The following LARP1B variants were observed in gnomAD, a reference collection of about 807,000 sequenced individuals.
LARP1B encodes La ribonucleoprotein 1B.
In LARP1B, 76 loss-of-function variants were observed where a neutral mutation model predicts 114.2. The observed-to-expected ratio is 0.67, with a 90% CI of 0.55 to 0.81. The LOEUF (loss-of-function observed/expected upper bound fraction) is 0.81, where lower values mean the gene tolerates loss of function less well. LARP1B is among the 30% of genes least tolerant of loss of function. The pLI is 0.00. For missense variants in LARP1B, 1,014 were observed against 1,075.8 expected, an observed-to-expected ratio of 0.94 and a Z score of 0.80; for synonymous variants, 345 against 348.0, an observed-to-expected ratio of 0.99 and a Z score of 0.10.
At chr4:128,073,572 G>GGTTTT (rs1766384506) in intron 1 of LARP1B, among the ~76,000 whole-genome samples, 1 of 39,996 alleles carries the variant, frequency 2.5e-5, no homozygotes, top group Non-Finnish European at 5.0e-5. Context: ...TATTGTTGTC[G>GGTTTT]TTTTTTTTTT....
intron 15 of LARP1B, among the ~76,000 whole-genome samples, chr4:128,186,505 T>C (rs891752609): frequency 3.3e-5 from 5 of 152,228 alleles, no homozygotes; most frequent in Non-Finnish European, 7.3e-5. Context: ...GATTTTGTAT[T>C]GTGCAACTTT....
intron 11 of LARP1B, chr4:128,155,892 C>A (rs111814220): frequency 1.3e-6 from 2 of 1,547,798 alleles, no homozygotes; most frequent in Non-Finnish European, 1.8e-6. Flanking sequence ...TGGAAGCCCA[C>A]TGACCCATCT....
At chr4:128,109,414 T>A (rs76176088) in intron 9 of LARP1B, among the ~76,000 whole-genome samples, 2,725 of 152,270 alleles carry the variant, frequency 0.018, 65 homozygotes, top group East Asian at 0.1. Context: ...TCAAAGAGAT[T>A]AAAATTTCTA....
chr4:128,171,295 A>AT, intron 12 of LARP1B, among the ~76,000 whole-genome samples: 1 of 151,954 alleles, frequency 6.6e-6, no homozygotes, highest in South Asian at 2.1e-4. Context: ...AGCCCAACTA[A>AT]TTTTTTTATT....
chr4:128,130,835 T>A (rs1181737750), intron 11 of LARP1B, among the ~76,000 whole-genome samples: 1 of 152,212 alleles, frequency 6.6e-6, no homozygotes, highest in Non-Finnish European at 1.5e-5. Context: ...ACAATGGACT[T>A]ACTCAGAGCT....
intron 10 of LARP1B, among the ~76,000 whole-genome samples, chr4:128,119,568 G>A (rs1438435272): frequency 6.6e-6 from 1 of 152,194 alleles, no homozygotes; most frequent in African/African-American, 2.4e-5. Flanking sequence ...GTGTTCTATA[G>A]TTGGTTTTCC....
intron 12 of LARP1B, among the ~76,000 whole-genome samples, chr4:128,166,048 T>C (rs1399397283): frequency 1.3e-5 from 2 of 152,010 alleles, no homozygotes; most frequent in Non-Finnish European, 2.9e-5. Flanking sequence ...CATCCTGTAT[T>C]TCAGACAAAT....
rs1478362207 is a variant in LARP1B at position 128,206,556 on chromosome 4, A to C, written c.2419+19A>C. 1 of 1,589,754 alleles carries C rather than the reference A, an allele frequency of 6.3e-7. No homozygotes were observed. Among genetic ancestry groups the C allele is most frequent in the Non-Finnish European group, 8.6e-7 (1 of 1,166,634 alleles). On this transcript the variant is annotated intron_variant, in intron 18 of 19. Coordinates refer to ENST00000326639, the MANE Select transcript of LARP1B (RefSeq NM_018078.4). ...GAATCTGGTAACAATAACATCAGAAAACTTGTACTCTAATTGGAAATTGTA... is the reference window on the plus strand; with the variant it reads ...GAATCTGGTAACAATAACATCAGAACACTTGTACTCTAATTGGAAATTGTA...
Position 128,207,395 on chromosome 4 carries a change from G to T in LARP1B, c.2547+12G>T. 1 of 1,462,018 alleles carries T rather than the reference G, an allele frequency of 6.8e-7. No individual in the cohort carries two copies. The highest frequency in any genetic ancestry group is 9.1e-7 in the Non-Finnish European group (1 of 1,101,192). 90.6% of individuals were successfully genotyped at this position (1,462,018 alleles called of 1,614,324 possible). Reference sequence around the variant, plus strand: ...ACTTCCGTGTTGATGTAAGTTTTAAGTCATTTCCTCTATTCTTTTTATTAT... The same window carrying T: ...ACTTCCGTGTTGATGTAAGTTTTAATTCATTTCCTCTATTCTTTTTATTAT... On this transcript the variant is annotated intron_variant, in intron 19 of 19. Coordinates refer to ENST00000326639, the MANE Select transcript of LARP1B (RefSeq NM_018078.4).
intron 5 of LARP1B, among the ~76,000 whole-genome samples, chr4:128,087,010 A>G (rs1039191435): frequency 1.3e-4 from 19 of 151,454 alleles, no homozygotes; most frequent in Non-Finnish European, 2.1e-4. Flanking sequence ...GTCTCGCACT[A>G]TTGCCCAGGC....
intron 15 of LARP1B, among the ~76,000 whole-genome samples, chr4:128,184,209 C>T (rs1749536192): frequency 6.6e-6 from 1 of 152,148 alleles, no homozygotes; most frequent in African/African-American, 2.4e-5. Flanking sequence ...GGACAGCATC[C>T]ATGCTACAGA....
At chr4:128,129,726 C>CAGAT (rs945148188) in intron 11 of LARP1B, among the ~76,000 whole-genome samples, 3 of 151,984 alleles carry the variant, frequency 2.0e-5, no homozygotes, top group African/African-American at 7.3e-5. Flanking sequence ...TAGACCCACA[C>CAGAT]AGATGCAGTC....
At chr4:128,108,395 G>T in intron 9 of LARP1B, 2 of 987,122 alleles carry the variant, frequency 2.0e-6, no homozygotes, top group Non-Finnish European at 2.4e-6. Context: ...TGTTTCACTT[G>T]GACATAAGAC....
rs1750098669 is a variant in LARP1B at position 128,185,680 on chromosome 4, T to A, written c.2003+6168T>A. ...TTCCTTCATGTGCTGTGCAGAAACT[T>A]TTTTGCTTGATATAATCTCATTAGT... On this transcript the variant is annotated intron_variant, in intron 15 of 19. Transcript: ENST00000326639. 3.3e-5 allele frequency among the ~76,000 whole-genome samples: 5 copies of A among 152,128 alleles called. No individual in the cohort carries two copies. The South Asian group carries it at 1.0e-3, about 31-fold the overall frequency.
chr4:128,117,319 C>T (rs151060615), intron 10 of LARP1B, among the ~76,000 whole-genome samples: 2,725 of 152,018 alleles, frequency 0.018, 65 homozygotes, highest in East Asian at 0.1. Flanking sequence ...AAGAGATTCT[C>T]CTGCCTCAGA....
chr4:128,122,249 T>C, intron 11 of LARP1B, 61 bp downstream of exon 11: 2 of 1,572,876 alleles, frequency 1.3e-6, no homozygotes, highest in South Asian at 2.4e-5. Context: ...TGTTGCTGTT[T>C]ATATTTTCTC....
chr4:128,176,381 C>T (rs182839538), intron 12 of LARP1B, among the ~76,000 whole-genome samples: 28 of 150,896 alleles, frequency 1.9e-4, no homozygotes, highest in African/African-American at 6.8e-4. Context: ...GCAGCCTCCA[C>T]CTGCCGGGTT....
intron 3 of LARP1B, among the ~76,000 whole-genome samples, chr4:128,077,036 G>A (rs942984078): frequency 3.9e-5 from 6 of 152,036 alleles, no homozygotes; most frequent in Admixed American, 6.6e-5. Context: ...TTTACTCACC[G>A]ATAATATGGT....
Position 128,096,024 on chromosome 4 carries a change from C to T in LARP1B, c.669-2162C>T, listed in dbSNP as rs376462937. ...TTTTTTTTTTTTTGAGACGGAGTCTCGCTCTGTTGCCCAGGCTGGAGTGCA... is the reference window on the plus strand; with the variant it reads ...TTTTTTTTTTTTTGAGACGGAGTCTTGCTCTGTTGCCCAGGCTGGAGTGCA... On this transcript the variant is annotated intron_variant, in intron 7 of 19. Coordinates refer to ENST00000326639, the MANE Select transcript of LARP1B (RefSeq NM_018078.4). 1.4e-3 allele frequency among the ~76,000 whole-genome samples: 177 copies of T among 129,090 alleles called. 1 individual carries two copies. The East Asian group carries it at 0.023, about 17-fold the overall frequency. The allele number at this position is 129,090 out of a possible 152,430, so 84.7% of individuals were successfully genotyped here.
Sources: gnomAD v4.1 joint callset for allele counts (sites outside exome capture counted in the v4.1 genomes callset) on GRCh38, gnomAD v4.1.1 for gene constraint, MANE v1.5 for transcripts, NCBI Gene and HGNC (gene_info 2026-07-23, HGNC 2026-07-21) for gene names.